The following NPTN variants were observed in gnomAD, a reference collection of about 807,000 sequenced individuals.
The protein encoded by NPTN is neuroplastin, also known as SDR-1.
Under a neutral mutation model 42.7 loss-of-function variants are expected in NPTN, and 5 were observed. The ratio of observed to expected loss-of-function variants is 0.12; its 90% CI spans 0.06 to 0.25. NPTN has a LOEUF of 0.25. Ranked by LOEUF, NPTN falls within the 10% of genes least tolerant of loss-of-function variation. NPTN has a pLI of 1.00. For synonymous variants in NPTN, 180 were observed against 201.9 expected (o/e 0.89, Z 0.92); for missense variants, 307 against 525.4 (o/e 0.58, Z 4.06).
In NPTN at chr15:73,560,531, C is replaced by G. The variant is rs1019494664; in HGVS notation, c.*532G>C. Reference sequence around the variant, plus strand: ...TACCAGAACTGCACAATTTCCTCATCTGACAACATACAATAAGGAATGAAT... The same window carrying G: ...TACCAGAACTGCACAATTTCCTCATGTGACAACATACAATAAGGAATGAAT... On this transcript the variant is annotated 3_prime_UTR_variant, in exon 9 of 9. Transcript: ENST00000345330. 1 of 152,112 alleles carries G rather than the reference C, an allele frequency of 6.6e-6. No homozygotes were observed. The highest frequency in any genetic ancestry group is 2.4e-5 in the African/African-American group (1 of 41,316). The allele number at this position is 152,112 out of a possible 1,614,324, so 9.4% of individuals were successfully genotyped here. A position where few individuals can be genotyped will look rare whatever the true frequency, so the allele number is the denominator to read the frequency against.
chr15:73,610,172 G>A (rs144850643), intron 1 of NPTN, among the ~76,000 whole-genome samples: 5 of 151,606 alleles, frequency 3.3e-5, no homozygotes, highest in East Asian at 1.9e-4. Flanking sequence ...CTGTAACCTC[G>A]AACTCCTTGG....
At chr15:73,594,894 T>C (rs1304432903) in intron 2 of NPTN, among the ~76,000 whole-genome samples, 1 of 151,296 alleles carries the variant, frequency 6.6e-6, no homozygotes, top group African/African-American at 2.4e-5. Flanking sequence ...TAGAGCAATG[T>C]CTTTTGGGAC....
chr15:73,580,950 TACTC>T (rs1399139885), intron 4 of NPTN, among the ~76,000 whole-genome samples: 1 of 152,018 alleles, frequency 6.6e-6, no homozygotes, highest in Non-Finnish European at 1.5e-5. Context: ...ATAAGAGTAA[TACTC>T]ACATGTTTCA....
intron 4 of NPTN, among the ~76,000 whole-genome samples, chr15:73,575,959 GA>G (rs1296402606): frequency 1.3e-5 from 2 of 152,162 alleles, no homozygotes; most frequent in Non-Finnish European, 2.9e-5. Context: ...TCTTACTACA[GA>G]AGGAAGTGGT....
Position 73,573,676 on chromosome 15 carries a change from TCTC to T in NPTN, c.823_825del (p.Glu275del), listed in dbSNP as rs1566961449. On this transcript the variant is annotated inframe_deletion, in exon 5 of 9. Coordinates refer to ENST00000345330, the MANE Select transcript of NPTN (RefSeq NM_012428.4). ...CTCCTACTCACCATGGGCATCCCGT[TCTC>T]CTTCTTGCGCCATATCCAGTCTGGG... 1.3e-6 allele frequency: 2 copies of T among 1,579,706 alleles called. No homozygotes were observed. The highest frequency in any genetic ancestry group is 4.8e-5 in the East Asian group (2 of 42,050).
intron 4 of NPTN, among the ~76,000 whole-genome samples, chr15:73,580,925 T>C (rs1198843744): frequency 6.6e-6 from 1 of 152,062 alleles, no homozygotes; most frequent in Admixed American, 6.6e-5. Flanking sequence ...ATACTCTGAG[T>C]TTTAGTATTG....
intron 1 of NPTN, among the ~76,000 whole-genome samples, chr15:73,601,028 A>T (rs1331789007): frequency 6.6e-6 from 1 of 152,230 alleles, no homozygotes; most frequent in Admixed American, 6.5e-5. Context: ...GCAGCACCTG[A>T]AAGTTTTATA....
intron 3 of NPTN, 93 bp from the exon 4 acceptor site, chr15:73,587,711 C>A: frequency 1.1e-6 from 1 of 891,994 alleles, no homozygotes; most frequent in Non-Finnish European, 1.8e-6. Flanking sequence ...AGGGATCCTG[C>A]TCTCCGAACC....
chr15:73,567,321 T>TA (rs1895085541), intron 6 of NPTN: 1 of 985,282 alleles, frequency 1.0e-6, no homozygotes, highest in Non-Finnish European at 1.2e-6. Flanking sequence ...GGCAGGCCTA[T>TA]AAAAAAATTC....
chr15:73,561,454 C>T (rs144431827), intron 8 of NPTN, among the ~76,000 whole-genome samples: 7,813 of 152,152 alleles, frequency 0.051, 212 homozygotes, highest in South Asian at 0.093. Context: ...CTGAGGCAGG[C>T]GGATCACTTG....
intron 4 of NPTN, among the ~76,000 whole-genome samples, chr15:73,582,236 G>A (rs929422277): frequency 3.3e-5 from 5 of 152,298 alleles, no homozygotes; most frequent in African/African-American, 1.2e-4. Context: ...CTGTTTCCAA[G>A]TAAACACAGA....
At chr15:73,609,368 C>T (rs1212644045) in intron 1 of NPTN, among the ~76,000 whole-genome samples, 2 of 152,168 alleles carry the variant, frequency 1.3e-5, no homozygotes, top group African/African-American at 4.8e-5. Context: ...CAGTGGCTCA[C>T]GCCTGTAATC....
At chr15:73,584,392 T>TA (rs1008584320) in intron 4 of NPTN, among the ~76,000 whole-genome samples, 116 of 151,792 alleles carry the variant, frequency 7.6e-4, no homozygotes, top group Non-Finnish European at 8.8e-4. Context: ...GAGCACTTTT[T>TA]AAAAAAAAAT....
At chr15:73,587,149 G>A (rs2141390050) in intron 4 of NPTN, among the ~76,000 whole-genome samples, 2 of 152,296 alleles carry the variant, frequency 1.3e-5, no homozygotes, top group South Asian at 4.2e-4. Flanking sequence ...GCTTTACAAA[G>A]CCTTGGGCCA....
intron 4 of NPTN, among the ~76,000 whole-genome samples, chr15:73,585,228 CAA>C (rs1300860558): frequency 6.6e-6 from 1 of 152,170 alleles, no homozygotes; most frequent in African/African-American, 2.4e-5. Context: ...TCCTTTCAGC[CAA>C]GAGGCCACTG....
intron 4 of NPTN, among the ~76,000 whole-genome samples, chr15:73,580,423 TATATATATA>T (rs1222768599): frequency 2.0e-4 from 20 of 101,494 alleles, no homozygotes; most frequent in Middle Eastern, 4.5e-3. Context: ...ATATATATAA[TATATATATA>T]ATATATATAA....
chr15:73,593,409 T>C (rs1416504579), intron 2 of NPTN, among the ~76,000 whole-genome samples: 1 of 152,228 alleles, frequency 6.6e-6, no homozygotes, highest in Admixed American at 6.5e-5. Context: ...TGCTGTTTGT[T>C]TGTTTTCCAA....
At chr15:73,613,743 T>C (rs1243347020) in intron 1 of NPTN, among the ~76,000 whole-genome samples, 1 of 152,098 alleles carries the variant, frequency 6.6e-6, no homozygotes, top group Admixed American at 6.5e-5. Flanking sequence ...TGGGGTGCAG[T>C]GGCACAATCT....
At chr15:73,567,616 A>G (rs1895106265) in intron 6 of NPTN, 2 of 985,276 alleles carry the variant, frequency 2.0e-6, no homozygotes. Context: ...ACCAAAGAAC[A>G]TTCAACTTTT....
Sources: gnomAD v4.1 joint callset for allele counts (sites outside exome capture counted in the v4.1 genomes callset) on GRCh38, gnomAD v4.1.1 for gene constraint, MANE v1.5 for transcripts, NCBI Gene and HGNC (gene_info 2026-07-23, HGNC 2026-07-21) for gene names.